SLC43A2: variants seen among roughly 807,000 people sequenced by gnomAD.
SLC43A2 encodes solute carrier family 43 member 2.
In SLC43A2, 38 loss-of-function variants were observed where a neutral mutation model predicts 63.2. That is an observed-to-expected ratio of 0.60 (90% CI 0.46 to 0.79). The LOEUF (loss-of-function observed/expected upper bound fraction) is 0.79. SLC43A2 is among the 30% of genes least tolerant of loss of function. The pLI is 0.00. For missense variants in SLC43A2, 644 were observed against 756.2 expected, an observed-to-expected ratio of 0.85 and a Z score of 1.74; for synonymous variants, 322 against 331.0, an observed-to-expected ratio of 0.97 and a Z score of 0.30.
rs1017864482 is a variant in SLC43A2 at position 1,575,198 on chromosome 17, A to G, written c.*406T>C. 6.7e-6 allele frequency: 2 copies of G among 299,696 alleles called. No homozygotes were observed. Among genetic ancestry groups the G allele is most frequent in the African/African-American group, 2.3e-5 (1 of 44,382 alleles). 18.6% of individuals were successfully genotyped at this position (299,696 alleles called of 1,614,324 possible). On this transcript the variant is annotated 3_prime_UTR_variant, in exon 14 of 14. Transcript: ENST00000301335. ...ACAGTGCAAGCCTTTGTCCTCAGGCAGGTACGGCTGTGGGCATGCAGCCGA... is the reference window on the plus strand; with the variant it reads ...ACAGTGCAAGCCTTTGTCCTCAGGCGGGTACGGCTGTGGGCATGCAGCCGA...
Position 1,574,862 on chromosome 17 carries a change from T to G in SLC43A2, c.*742A>C, listed in dbSNP as rs1027266310. On this transcript the variant is annotated 3_prime_UTR_variant, in exon 14 of 14. Transcript: ENST00000301335. ...CTCCACAAAAGCAGCTGTGTGTATG[T>G]ACGGGGTGCCCTGGCGGCGGTCCTC... is the stretch of plus-strand genomic sequence containing the variant. The G allele has an allele frequency of 6.5e-6, 1 of 152,942 alleles. No individual in the cohort carries two copies. The highest frequency in any genetic ancestry group is 1.5e-5 in the Non-Finnish European group (1 of 68,478). 9.5% of individuals were successfully genotyped at this position (152,942 alleles called of 1,614,324 possible). A position where few individuals can be genotyped will look rare whatever the true frequency, so the allele number is the denominator to read the frequency against.
chr17:1,605,035 G>A lies in SLC43A2; in HGVS notation c.501+8160C>T. ...CAGGAGGGGAAGGACCAGCTTTGCT[G>A]CCAAGCAGGAAGCCGGAGCTGTTTC... On this transcript the variant is annotated intron_variant, in intron 5 of 13. Coordinates refer to ENST00000301335, the MANE Select transcript of SLC43A2 (RefSeq NM_152346.3). This position sits in a 1 kb window ranked among gnomAD's most constrained non-coding sequence, Gnocchi z 4.9. 7.1e-7 allele frequency: 1 copy of A among 1,417,968 alleles called. No homozygotes were observed. Among genetic ancestry groups the A allele is most frequent in the Non-Finnish European group, 9.2e-7 (1 of 1,087,920 alleles). The allele number at this position is 1,417,968 out of a possible 1,614,324, so 87.8% of individuals were successfully genotyped here.
intron 3 of SLC43A2, among the ~76,000 whole-genome samples, chr17:1,616,043 GAAAAA>G (rs77735350): frequency 4.3e-5 from 3 of 70,112 alleles, no homozygotes; most frequent in African/African-American, 1.6e-4. Context: ...ACTCCGTCTT[GAAAAA>G]AAAAAAAAAA....
intron 9 of SLC43A2, 31 bp from the exon 10 acceptor site, chr17:1,586,082 G>A (rs764867587): frequency 1.8e-5 from 28 of 1,548,996 alleles, no homozygotes; most frequent in East Asian, 4.8e-5. Flanking sequence ...TCATGGGGAC[G>A]CCTGGCAGAC....
intron 2 of SLC43A2, among the ~76,000 whole-genome samples, chr17:1,617,971 A>G (rs1444603003): frequency 6.6e-6 from 1 of 152,194 alleles, no homozygotes; most frequent in African/African-American, 2.4e-5. Flanking sequence ...AGAAAACAGG[A>G]GCCGACTTTG....
intron 11 of SLC43A2, among the ~76,000 whole-genome samples, chr17:1,580,827 G>C (rs909171972): frequency 6.6e-6 from 1 of 151,744 alleles, no homozygotes; most frequent in Non-Finnish European, 1.5e-5. Context: ...ACTTCCCGGG[G>C]TGCAGTGAGC....
chr17:1,608,457 G>A (rs189613341), intron 5 of SLC43A2, among the ~76,000 whole-genome samples: 127 of 151,446 alleles, frequency 8.4e-4, no homozygotes, highest in African/African-American at 2.9e-3. Context: ...GCAGTGGTGC[G>A]ATCTCAGCTC....
At chr17:1,599,812 A>C (rs1390009776) in intron 5 of SLC43A2, among the ~76,000 whole-genome samples, 6 of 151,694 alleles carry the variant, frequency 4.0e-5, no homozygotes, top group Non-Finnish European at 7.4e-5. Flanking sequence ...TGGGAAGCTG[A>C]GGCGGGTGGA....
At position 1,578,430 on chromosome 17, in the gene SLC43A2, G is replaced by C; in HGVS notation, c.1351-107C>G. The C allele has an allele frequency of 9.2e-7, 1 of 1,089,042 alleles. No individual in the cohort carries two copies. Among genetic ancestry groups the C allele is most frequent in the African/African-American group, 1.6e-5 (1 of 63,728 alleles). 67.5% of individuals were successfully genotyped at this position (1,089,042 alleles called of 1,614,324 possible). ...CTCACCCCAGGGGCAGTGTCAGCCTGGAGTTGGATCAACCCCATCCTCCGG... is the reference window on the plus strand; with the variant it reads ...CTCACCCCAGGGGCAGTGTCAGCCTCGAGTTGGATCAACCCCATCCTCCGG... On this transcript the variant is annotated intron_variant, in intron 11 of 13. Transcript: ENST00000301335. This position sits in a 1 kb window ranked among gnomAD's most constrained non-coding sequence, Gnocchi z 6.5.
chr17:1,586,925 C>T, intron 9 of SLC43A2: 2 of 1,526,862 alleles, frequency 1.3e-6, no homozygotes, highest in South Asian at 2.4e-5. Flanking sequence ...CATTCCCTGA[C>T]AATCCCCCCC....
At chr17:1,614,473 A>AGGAAGCTATTTCACT (rs67345692) in intron 4 of SLC43A2, among the ~76,000 whole-genome samples, 1 of 152,034 alleles carries the variant, frequency 6.6e-6, no homozygotes, top group Non-Finnish European at 1.5e-5. Flanking sequence ...AGGAGGCCTA[A>AGGAAGCTATTTCACT]GAAACCAAAA....
intron 5 of SLC43A2, among the ~76,000 whole-genome samples, chr17:1,601,638 G>A (rs1906031950): frequency 6.6e-6 from 1 of 151,596 alleles, no homozygotes; most frequent in Non-Finnish European, 1.5e-5. Flanking sequence ...CCCCAGGCAT[G>A]CACCGCCCTC....
At chr17:1,622,292 G>A (rs1014153041) in intron 2 of SLC43A2, among the ~76,000 whole-genome samples, 8 of 152,022 alleles carry the variant, frequency 5.3e-5, no homozygotes, top group East Asian at 3.9e-4. Context: ...GGCTGGGCGC[G>A]GTGGCTCACG....
intron 5 of SLC43A2, among the ~76,000 whole-genome samples, chr17:1,596,645 T>C (rs1905300576): frequency 6.6e-6 from 1 of 151,970 alleles, no homozygotes; most frequent in South Asian, 2.1e-4. Flanking sequence ...AGTGGTGCGA[T>C]CTCGGCCCAC....
Position 1,574,873 on chromosome 17 carries a change from C to T in SLC43A2, c.*731G>A, listed in dbSNP as rs1039496416. 1.3e-5 allele frequency: 2 copies of T among 153,082 alleles called. No individual in the cohort carries two copies. Among genetic ancestry groups the T allele is most frequent in the African/African-American group, 4.8e-5 (2 of 41,594 alleles). The allele number at this position is 153,082 out of a possible 1,614,324, so 9.5% of individuals were successfully genotyped here. ...CAGCTGTGTGTATGTACGGGGTGCC[C>T]TGGCGGCGGTCCTCAAATTCCCTTC... On this transcript the variant is annotated 3_prime_UTR_variant, in exon 14 of 14. Coordinates refer to ENST00000301335, the MANE Select transcript of SLC43A2 (RefSeq NM_152346.3).
Position 1,585,731 on chromosome 17 carries a change from A to G in SLC43A2, c.1217+182T>C, listed in dbSNP as rs367699155. 1.3e-5 allele frequency: 20 copies of G among 1,554,838 alleles called. 1 individual carries two copies. The highest frequency in any genetic ancestry group is 9.4e-5 in the Admixed American group (5 of 53,296). On this transcript the variant is annotated intron_variant, in intron 10 of 13. Coordinates refer to ENST00000301335, the MANE Select transcript of SLC43A2 (RefSeq NM_152346.3). Reference sequence around the variant, plus strand: ...ATTGCATTCCAAACAATTTCCATAAAGAGGGGAGCAGTTGAAACGCATGCT... The same window carrying G: ...ATTGCATTCCAAACAATTTCCATAAGGAGGGGAGCAGTTGAAACGCATGCT...
chr17:1,592,593 C>G (rs1567623389), intron 6 of SLC43A2, among the ~76,000 whole-genome samples: 1 of 152,128 alleles, frequency 6.6e-6, no homozygotes, highest in Non-Finnish European at 1.5e-5. Context: ...CAACAGCATT[C>G]CCACACACAC....
chr17:1,627,924 C>A lies in SLC43A2; in HGVS notation c.-46-4G>T, dbSNP rs951511467. Reference sequence around the variant, plus strand: ...TCCGGCTCCGGCTCTGCACCACCTGCGCACAGAACTCGGCGTCAGCGGCCG... The same window carrying A: ...TCCGGCTCCGGCTCTGCACCACCTGAGCACAGAACTCGGCGTCAGCGGCCG... On this transcript the variant is annotated splice_region_variant and splice_polypyrimidine_tract_variant and intron_variant, in intron 1 of 13. Transcript: ENST00000301335. 1.6e-5 allele frequency: 23 copies of A among 1,452,492 alleles called. No homozygotes were observed. Among genetic ancestry groups the A allele is most frequent in the East Asian group, 5.7e-5 (2 of 34,818 alleles). The allele number at this position is 1,452,492 out of a possible 1,614,324, so 90.0% of individuals were successfully genotyped here.
Position 1,605,195 on chromosome 17 carries a change from C to A in SLC43A2, c.501+8000G>T. On this transcript the variant is annotated intron_variant, in intron 5 of 13. Coordinates refer to ENST00000301335, the MANE Select transcript of SLC43A2 (RefSeq NM_152346.3). The surrounding 1 kb of genome is among the most constrained non-coding windows in gnomAD (Gnocchi z 4.9). The stretch of plus-strand genomic sequence containing the variant: ...GCCAGCCCGGGCTGTTCACTCACTG[C>A]CTCCACGCAGCCTCAGTCACACAGG... The A allele has an allele frequency of 8.7e-7, 1 of 1,146,492 alleles. No individual in the cohort carries two copies. The highest frequency in any genetic ancestry group is 1.1e-6 in the Non-Finnish European group (1 of 925,640). The allele number at this position is 1,146,492 out of a possible 1,614,324, so 71.0% of individuals were successfully genotyped here. A position where few individuals can be genotyped will look rare whatever the true frequency, so the allele number is the denominator to read the frequency against.
Sources: allele counts gnomAD v4.1 joint callset (sites outside exome capture counted in the v4.1 genomes callset), GRCh38; gene constraint gnomAD v4.1.1; non-coding constraint Gnocchi (gnomAD v3.1); transcripts MANE v1.5; gene names NCBI Gene and HGNC (gene_info 2026-07-23, HGNC 2026-07-21).